Variants in GRM8 observed in about 807,000 individuals in gnomAD.
The protein encoded by GRM8 is glutamate metabotropic receptor 8, also known as metabotropic glutamate receptor 8.
GRM8 carries 47 observed loss-of-function variants against 87.2 expected under a neutral mutation model. The observed-to-expected ratio is 0.54, with a 90% CI of 0.43 to 0.69. The LOEUF (loss-of-function observed/expected upper bound fraction) is 0.69, where lower values mean the gene tolerates loss of function less well. Among genes scored for constraint, GRM8 ranks in the 30% least tolerant of loss-of-function variants. GRM8 has a pLI of 0.00. For missense variants in GRM8, 1,019 were observed against 1,139.2 expected, an observed-to-expected ratio of 0.89 and a Z score of 1.52; for synonymous variants, 396 against 404.5, an observed-to-expected ratio of 0.98 and a Z score of 0.25.
chr7:126,532,302 C>T (rs1584964535), intron 9 of GRM8, among the ~76,000 whole-genome samples: 1 of 152,086 alleles, frequency 6.6e-6, no homozygotes, highest in South Asian at 2.1e-4. Context: ...CCTTCTTTAC[C>T]CTCATCATCA....
intron 2 of GRM8, among the ~76,000 whole-genome samples, chr7:127,133,706 CAAAA>C (rs137900224): frequency 3.0e-5 from 3 of 98,780 alleles, no homozygotes; most frequent in Non-Finnish European, 2.1e-5. Flanking sequence ...ACTCCCTCTC[CAAAA>C]AAAAAAAAAA....
At chr7:126,632,801 A>G (rs1563037151) in intron 7 of GRM8, among the ~76,000 whole-genome samples, 1 of 152,160 alleles carries the variant, frequency 6.6e-6, no homozygotes, top group Non-Finnish European at 1.5e-5. Context: ...CAAATACTGC[A>G]TGTTCTTACT....
chr7:126,500,535 G>A (rs1274758573), intron 9 of GRM8, among the ~76,000 whole-genome samples: 1 of 151,836 alleles, frequency 6.6e-6, no homozygotes, highest in Non-Finnish European at 1.5e-5. Flanking sequence ...CTTCCTCAGA[G>A]GACTAAGCTC....
rs192007298 is a variant in GRM8, at chr7:126,520,423, T to A, written c.2430+12529A>T. 1.3e-3 allele frequency among the ~76,000 whole-genome samples: 198 copies of A among 152,208 alleles called. 2 individuals are homozygous for A. Among genetic ancestry groups the A allele is most frequent in the Admixed American group, 0.011 (165 of 15,276 alleles). ...TTGCTTTCTGATCCCAGTTTTGGAT[T>A]GTTTTAGTTCACATTTTTGAACACG... is the stretch of plus-strand genomic sequence containing the variant. On this transcript the variant is annotated intron_variant, in intron 9 of 10. Transcript: ENST00000339582.
intron 6 of GRM8, among the ~76,000 whole-genome samples, chr7:126,859,800 A>T (rs1004721634): frequency 6.6e-6 from 1 of 152,164 alleles, no homozygotes; most frequent in Non-Finnish European, 1.5e-5. Context: ...ACTTTCTTTC[A>T]TGGTAAATCC....
At chr7:126,843,396 T>C (rs550174199) in intron 6 of GRM8, among the ~76,000 whole-genome samples, 1 of 152,230 alleles carries the variant, frequency 6.6e-6, no homozygotes, top group Non-Finnish European at 1.5e-5. Flanking sequence ...TAAAATTATT[T>C]GGAATAAAAA....
chr7:127,148,295 T>A (rs1029449213), intron 2 of GRM8, among the ~76,000 whole-genome samples: 10 of 151,838 alleles, frequency 6.6e-5, no homozygotes, highest in Non-Finnish European at 1.5e-4. Flanking sequence ...TGTAAATATA[T>A]ATGCACCCCA....
At chr7:126,932,471 C>T (rs982878962) in intron 3 of GRM8, among the ~76,000 whole-genome samples, 16 of 152,166 alleles carry the variant, frequency 1.1e-4, no homozygotes, top group Admixed American at 7.9e-4. Context: ...ATTTAAGACA[C>T]GTTCCTGTGT....
chr7:127,113,124 T>C (rs1826482617), intron 2 of GRM8, among the ~76,000 whole-genome samples: 1 of 152,124 alleles, frequency 6.6e-6, no homozygotes, highest in Admixed American at 6.5e-5. Flanking sequence ...CAGAAATACT[T>C]TTTGTGGCCC....
intron 8 of GRM8, among the ~76,000 whole-genome samples, chr7:126,560,400 T>C (rs1396025803): frequency 1.3e-5 from 2 of 152,138 alleles, no homozygotes; most frequent in Non-Finnish European, 2.9e-5. Context: ...TCTAGAAAGA[T>C]GTTTGTTTAT....
At chr7:126,616,670 G>A (rs554460737) in intron 7 of GRM8, among the ~76,000 whole-genome samples, 14 of 152,070 alleles carry the variant, frequency 9.2e-5, no homozygotes, top group African/African-American at 2.4e-4. Context: ...TCAAATAAAC[G>A]CAATAAAAAA....
At chr7:126,572,670 C>T (rs761352679) in intron 8 of GRM8, among the ~76,000 whole-genome samples, 1 of 152,162 alleles carries the variant, frequency 6.6e-6, no homozygotes, top group Non-Finnish European at 1.5e-5. Flanking sequence ...TTCCTTTGCA[C>T]CTATCCTGGG....
intron 6 of GRM8, among the ~76,000 whole-genome samples, chr7:126,800,547 T>C (rs1045950690): frequency 1.1e-4 from 16 of 152,174 alleles, no homozygotes; most frequent in Non-Finnish European, 2.1e-4. Flanking sequence ...TTTGTTTCTT[T>C]GACCAGCCTC....
chr7:126,934,220 G>T (rs961267645), intron 3 of GRM8, among the ~76,000 whole-genome samples: 4 of 151,892 alleles, frequency 2.6e-5, no homozygotes, highest in African/African-American at 9.7e-5. Context: ...ATTTAAGAAG[G>T]CAAAAAAATG....
At chr7:126,773,603 T>C (rs1169696064) in intron 6 of GRM8, among the ~76,000 whole-genome samples, 1 of 152,172 alleles carries the variant, frequency 6.6e-6, no homozygotes, top group East Asian at 1.9e-4. Flanking sequence ...GCAAACTCCC[T>C]GTCAATTTAT....
intron 7 of GRM8, among the ~76,000 whole-genome samples, chr7:126,636,261 G>A (rs1183440415): frequency 3.9e-5 from 6 of 151,976 alleles, no homozygotes; most frequent in Non-Finnish European, 5.9e-5. Context: ...AACAGCATAG[G>A]AGAATAGTGT....
At chr7:127,246,990 C>G (rs62468895) in intron 1 of GRM8, among the ~76,000 whole-genome samples, 4,766 of 152,310 alleles carry the variant, frequency 0.031, 92 homozygotes, top group Middle Eastern at 0.068. Flanking sequence ...GAGAAAGACC[C>G]CAGTGCTGCA....
chr7:127,175,569 G>A (rs1480365519), intron 2 of GRM8, among the ~76,000 whole-genome samples: 1 of 152,096 alleles, frequency 6.6e-6, no homozygotes, highest in Non-Finnish European at 1.5e-5. Context: ...CAACTACAAA[G>A]AGAAAACCTT....
intron 2 of GRM8, among the ~76,000 whole-genome samples, chr7:127,242,447 T>G (rs1798357133): frequency 6.6e-6 from 1 of 151,952 alleles, no homozygotes; most frequent in South Asian, 2.1e-4. Context: ...ATCACAGAAC[T>G]TTTCACCTTT....
Sources: allele counts gnomAD v4.1 joint callset (sites outside exome capture counted in the v4.1 genomes callset), GRCh38; gene constraint gnomAD v4.1.1; transcripts MANE v1.5; gene names NCBI Gene and HGNC (gene_info 2026-07-23, HGNC 2026-07-21).